The following RP1L1 variants were observed in gnomAD, a reference collection of about 807,000 sequenced individuals.
The protein encoded by RP1L1 is RP1 like 1.
RP1L1 carries 27 observed loss-of-function variants against 15.7 expected under a neutral mutation model. The observed-to-expected ratio is 1.72, with a 90% confidence interval of 1.27 to 2.38. The LOEUF (loss-of-function observed/expected upper bound fraction) is 2.38, where lower values mean the gene tolerates loss of function less well. RP1L1 is among the 30% of genes most tolerant of loss of function. The probability of loss-of-function intolerance (pLI) is 0.00; values close to 1 mark genes in which losing one functional copy is unlikely to be tolerated. For synonymous variants in RP1L1, 1,813 were observed against 1,276.7 expected (o/e 1.42, Z -8.96); for missense variants, 4,798 against 3,075.9 (o/e 1.56, Z -13.24).
In RP1L1 at chr8:10,612,387, C is replaced by T. The variant is rs1420318380; in HGVS notation, c.1711G>A (p.Gly571Arg). The T allele has an allele frequency of 6.2e-7, 1 of 1,612,806 alleles. No individual in the cohort carries two copies. The highest frequency in any genetic ancestry group is 1.3e-5 in the African/African-American group (1 of 75,066). ...AETSQQEASE[G>R]GDPASPALSL... ...AGGGCTGGAGAAGCGGGGTCGCCTC[C>T]CTCGCTGGCCTCCTGCTGAGAGGTC... Residue 571 changes from glycine to arginine, a missense_variant, in exon 4 of 4, where the codon GGA becomes AGA. By Grantham distance (125) the Gly-to-Arg change is moderately radical. Transcript: ENST00000382483.
At chr8:10,631,413 A>ATGCG (rs1798250145) in intron 1 of RP1L1, among the ~76,000 whole-genome samples, 1 of 150,106 alleles carries the variant, frequency 6.7e-6, no homozygotes, top group Admixed American at 6.6e-5. Flanking sequence ...ACACGCACAC[A>ATGCG]CGCACACACA....
Position 10,606,700 on chromosome 8 carries a change from C to T in RP1L1, c.*195G>A, listed in dbSNP as rs1055615324. ...TCTTCACACTGCGTGTGGGACGGGC[C>T]GCAGAGCTCTCTGACACTTCTGGAC... On this transcript the variant is annotated 3_prime_UTR_variant, in exon 4 of 4. Transcript: ENST00000382483. 9 of 911,188 alleles carry T rather than the reference C, an allele frequency of 9.9e-6. No individual in the cohort carries two copies. The highest frequency in any genetic ancestry group is 8.4e-5 in the Admixed American group (3 of 35,544). The allele number at this position is 911,188 out of a possible 1,614,324, so 56.4% of individuals were successfully genotyped here. A position where few individuals can be genotyped will look rare whatever the true frequency, so the allele number is the denominator to read the frequency against.
chr8:10,623,164 T>C lies in RP1L1; in HGVS notation c.38A>G (p.His13Arg). The C allele has an allele frequency of 1.9e-6, 3 of 1,587,624 alleles. No individual in the cohort carries two copies. The highest frequency in any genetic ancestry group is 2.6e-6 in the Non-Finnish European group (3 of 1,165,750). Residue 13 changes from histidine to arginine, a missense_variant, in exon 2 of 4, where the codon CAC (histidine) becomes CGC (arginine). Coordinates refer to ENST00000382483, the MANE Select transcript of RP1L1 (RefSeq NM_178857.6). ...CACAGAGGGCAGGAAGCACTCACGG[T>C]GGCTCGGGGCCTGGGCATTCCTGGG... Reference protein sequence around the residue: ...STPRNAQAPSHRECFLPSVAR... With the variant: ...STPRNAQAPSRRECFLPSVAR...
intron 1 of RP1L1, among the ~76,000 whole-genome samples, chr8:10,647,243 G>A (rs562233223): frequency 3.0e-4 from 46 of 152,314 alleles, no homozygotes; most frequent in African/African-American, 1.1e-3. Context: ...ACGAATGTCC[G>A]CCCTCTGACC....
At chr8:10,651,651 G>A (rs1283285372) in intron 1 of RP1L1, among the ~76,000 whole-genome samples, 5 of 151,836 alleles carry the variant, frequency 3.3e-5, no homozygotes, top group South Asian at 2.1e-4. Flanking sequence ...CTTGAACTCA[G>A]GAGGCTGAGG....
chr8:10,629,424 C>A (rs1318192838), intron 1 of RP1L1, among the ~76,000 whole-genome samples: 6 of 152,128 alleles, frequency 3.9e-5, no homozygotes, highest in Admixed American at 1.3e-4. Context: ...TAGGGAGAAG[C>A]TGGAGAGGAG....
intron 1 of RP1L1, among the ~76,000 whole-genome samples, chr8:10,650,577 G>A (rs996119444): frequency 2.0e-5 from 3 of 149,096 alleles, no homozygotes; most frequent in African/African-American, 7.4e-5. Context: ...TTTTAATTGA[G>A]AGGGAGTCTC....
At chr8:10,641,360 G>C (rs1167576372) in intron 1 of RP1L1, among the ~76,000 whole-genome samples, 9 of 152,196 alleles carry the variant, frequency 5.9e-5, no homozygotes, top group Non-Finnish European at 1.3e-4. Flanking sequence ...GGGTTCTCTG[G>C]ACTGACAGTG....
At chr8:10,628,646 C>T (rs895976157) in intron 1 of RP1L1, among the ~76,000 whole-genome samples, 4 of 152,154 alleles carry the variant, frequency 2.6e-5, no homozygotes, top group Non-Finnish European at 5.9e-5. Context: ...AAAGAAATCA[C>T]GTTCCTGAAT....
At chr8:10,618,295 T>C (rs187890449) in intron 2 of RP1L1, among the ~76,000 whole-genome samples, 3 of 150,014 alleles carry the variant, frequency 2.0e-5, no homozygotes, top group Admixed American at 6.6e-5. Flanking sequence ...AGCCCAGGAG[T>C]TTGAGATCAG....
rs1798084108 is a variant in RP1L1, at chr8:10,622,763, T to C, written c.439A>G (p.Ser147Gly). Residue 147 changes from serine (S) to glycine (G), a missense_variant, in exon 2 of 4, where the codon AGT becomes GGT. Physicochemically the swap from Ser to Gly is moderately conservative, Grantham distance 56. Coordinates refer to ENST00000382483, the MANE Select transcript of RP1L1 (RefSeq NM_178857.6). Reference protein sequence around the residue: ...EAPGTSSSRKSLKTPRRILLI... With the variant: ...EAPGTSSSRKGLKTPRRILLI... ...AGTATCCTCCGGGGGGTTTTAAGAC[T>C]CTTCCGGGAGGAGGAGGTGCCTGGG... 5.0e-6 allele frequency: 8 copies of C among 1,614,020 alleles called. No individual in the cohort carries two copies. In the East Asian group the frequency reaches 1.8e-4, roughly 36 times the overall value.
intron 1 of RP1L1, among the ~76,000 whole-genome samples, chr8:10,633,021 A>C (rs1452441624): frequency 6.6e-6 from 1 of 152,172 alleles, no homozygotes; most frequent in African/African-American, 2.4e-5. Context: ...TCTGAAAGTG[A>C]GGGTCTGCAC....
At position 10,608,919 on chromosome 8, in the gene RP1L1, C is replaced by T. The variant is rs373480442; in HGVS notation, c.5179G>A (p.Glu1727Lys). The change falls in exon 4 of 4, where the codon GAG becomes AAG. Residue 1727 changes from glutamate (E) to lysine (K), a missense_variant. Transcript: ENST00000382483. ...CTCAGCCCCGGCCCCAGCCCTCCCT[C>T]AGCTCCCTGGACAGTCCTAGTGCTC... ...PTSTRTVQGA[E>K]GGLGPGLSQG... The T allele has an allele frequency of 7.4e-6, 12 of 1,613,972 alleles. No homozygotes were observed. The African/African-American group carries it at 1.6e-4, about 22-fold the overall frequency.
rs1460665725 is a variant in RP1L1, at chr8:10,610,247, C to T, written c.3851G>A (p.Arg1284Lys). 1 of 1,613,936 alleles carries T rather than the reference C, an allele frequency of 6.2e-7. No individual in the cohort carries two copies. Among genetic ancestry groups the T allele is most frequent in the African/African-American group, 1.3e-5 (1 of 74,874 alleles). The part of the protein sequence containing the change: ...DEAERDSEEQ[R>K]ASSNLEQLAE... ...TAACTGCTCCAGGTTCGAGCTCGCC[C>T]TCTGCTCCTCACTGTCTCTTTCTGC... Residue 1284 changes from arginine to lysine, a missense_variant, in exon 4 of 4, where the codon AGG (arginine) becomes AAG (lysine). Coordinates refer to ENST00000382483, the MANE Select transcript of RP1L1 (RefSeq NM_178857.6).
intron 1 of RP1L1, among the ~76,000 whole-genome samples, chr8:10,637,959 A>C (rs988328034): frequency 6.6e-6 from 1 of 152,186 alleles, no homozygotes; most frequent in African/African-American, 2.4e-5. Context: ...CTGCAGCCCC[A>C]GGGCTGGGTC....
chr8:10,624,381 C>G (rs1798123931), intron 1 of RP1L1, among the ~76,000 whole-genome samples: 2 of 152,228 alleles, frequency 1.3e-5, no homozygotes, highest in African/African-American at 4.8e-5. Flanking sequence ...TACATACACA[C>G]ACACTCACAC....
chr8:10,620,811 C>G (rs1369455183), intron 2 of RP1L1, among the ~76,000 whole-genome samples: 1 of 152,208 alleles, frequency 6.6e-6, no homozygotes, highest in Admixed American at 6.5e-5. Flanking sequence ...ATTACCCATG[C>G]AGCCCATTGG....
At chr8:10,618,888 A>G (rs1276007225) in intron 2 of RP1L1, among the ~76,000 whole-genome samples, 1 of 151,826 alleles carries the variant, frequency 6.6e-6, no homozygotes, top group African/African-American at 2.4e-5. Flanking sequence ...GTTTTCTGAG[A>G]TGGAGTCCTG....
At chr8:10,654,671 C>T (rs1012104141) in intron 1 of RP1L1, among the ~76,000 whole-genome samples, 6 of 152,244 alleles carry the variant, frequency 3.9e-5, no homozygotes, top group Non-Finnish European at 8.8e-5. Context: ...GAGCAGAAAC[C>T]TGAAACTCCA....
Sources: allele counts gnomAD v4.1 joint callset (sites outside exome capture counted in the v4.1 genomes callset), GRCh38; gene constraint gnomAD v4.1.1; transcripts MANE v1.5; gene names NCBI Gene and HGNC (gene_info 2026-07-23, HGNC 2026-07-21).